CDH4: variants seen among roughly 807,000 people sequenced by gnomAD.
The protein encoded by CDH4 is cadherin-4.
CDH4 carries 33 observed loss-of-function variants against 86.0 expected under a neutral mutation model. That is an observed-to-expected ratio of 0.38 (90% CI 0.29 to 0.51). The LOEUF is 0.51. CDH4 is among the 20% of genes least tolerant of loss of function. The pLI is 0.86. For synonymous variants in CDH4, 555 were observed against 549.4 expected, an observed-to-expected ratio of 1.01 and a Z score of -0.14; for missense variants, 1,114 against 1,307.4, an observed-to-expected ratio of 0.85 and a Z score of 2.28.
intron 2 of CDH4, among the ~76,000 whole-genome samples, chr20:61,279,494 TG>T (rs144701579): frequency 4.2e-5 from 6 of 144,480 alleles, no homozygotes; most frequent in Non-Finnish European, 7.6e-5. Context: ...CTCCTAGGGG[TG>T]GGGGCGGGGC....
chr20:61,445,710 C>A (rs1478582508), intron 2 of CDH4, among the ~76,000 whole-genome samples: 1 of 152,140 alleles, frequency 6.6e-6, no homozygotes, highest in Non-Finnish European at 1.5e-5. Context: ...ACAGTGCTCT[C>A]GATTTTTAAA....
At position 61,404,158 on chromosome 20, in the gene CDH4, G is replaced by T. The variant is rs1271094609; in HGVS notation, c.169+149221G>T. Among the ~76,000 whole-genome samples the T allele has an allele frequency of 3.3e-5, 5 of 152,154 alleles. No individual in the cohort carries two copies. The East Asian group carries it at 7.8e-4, about 24-fold the overall frequency. ...CAGCTGAGCTGCTACAGCCAGGCGGGTACAGGGGTCCTGGGCCAGGACTCC... is the reference window on the plus strand; with the variant it reads ...CAGCTGAGCTGCTACAGCCAGGCGGTTACAGGGGTCCTGGGCCAGGACTCC... On this transcript the variant is annotated intron_variant, in intron 2 of 15. Transcript: ENST00000614565.
intron 2 of CDH4, among the ~76,000 whole-genome samples, chr20:61,720,008 G>A (rs2145911012): frequency 6.6e-6 from 1 of 152,288 alleles, no homozygotes; most frequent in South Asian, 2.1e-4. Flanking sequence ...GGGTGAGCGG[G>A]CGTCTTCCTT....
At chr20:61,390,521 CGT>C in intron 2 of CDH4, among the ~76,000 whole-genome samples, 1 of 147,308 alleles carries the variant, frequency 6.8e-6, no homozygotes, top group Non-Finnish European at 1.5e-5. Context: ...CAATTGAGAT[CGT>C]ACGGTCATAG....
intron 2 of CDH4, among the ~76,000 whole-genome samples, chr20:61,350,715 C>A (rs146184894): frequency 8.2e-5 from 1 of 12,172 alleles, no homozygotes; most frequent in Non-Finnish European, 1.5e-4. Context: ...AGGCAGAGGC[C>A]CCCCCCCAGT....
intron 2 of CDH4, among the ~76,000 whole-genome samples, chr20:61,494,664 A>G (rs2085647217): frequency 6.6e-6 from 1 of 152,266 alleles, no homozygotes; most frequent in African/African-American, 2.4e-5. Flanking sequence ...AATAGATTTT[A>G]TTACATAGCA....
chr20:61,727,064 C>A (rs1372557736), intron 2 of CDH4, among the ~76,000 whole-genome samples: 2 of 151,494 alleles, frequency 1.3e-5, no homozygotes, highest in Non-Finnish European at 2.9e-5. Flanking sequence ...ACCATCACTG[C>A]CATCTTCACC....
intron 9 of CDH4, among the ~76,000 whole-genome samples, chr20:61,921,606 G>T (rs1300982200): frequency 6.6e-6 from 1 of 152,190 alleles, no homozygotes; most frequent in African/African-American, 2.4e-5. Context: ...ATAAAAATTA[G>T]CCAGGCATGG....
intron 2 of CDH4, among the ~76,000 whole-genome samples, chr20:61,336,324 T>C (rs2084616774): frequency 6.6e-6 from 1 of 152,212 alleles, no homozygotes; most frequent in African/African-American, 2.4e-5. Context: ...GACTAACACA[T>C]AGAAGTGCCT....
At chr20:61,371,330 G>A (rs549268988) in intron 2 of CDH4, among the ~76,000 whole-genome samples, 1 of 152,324 alleles carries the variant, frequency 6.6e-6, no homozygotes, top group African/African-American at 2.4e-5. Flanking sequence ...TTCGGGCTCT[G>A]AGGCCGGGGT....
At chr20:61,375,153 G>T (rs1489659411) in intron 2 of CDH4, among the ~76,000 whole-genome samples, 3 of 152,146 alleles carry the variant, frequency 2.0e-5, no homozygotes, top group Non-Finnish European at 4.4e-5. Context: ...TCTCCTGAGG[G>T]CTGTGTCACA....
intron 1 of CDH4, among the ~76,000 whole-genome samples, chr20:61,254,159 G>T (rs1178185479): frequency 6.6e-6 from 1 of 152,198 alleles, no homozygotes; most frequent in Non-Finnish European, 1.5e-5. Context: ...TAGGGGAGCC[G>T]TCTCCCTGCC....
intron 2 of CDH4, among the ~76,000 whole-genome samples, chr20:61,258,753 G>A (rs1436509496): frequency 6.6e-6 from 1 of 152,226 alleles, no homozygotes; most frequent in Non-Finnish European, 1.5e-5. Flanking sequence ...GCCATCTTTA[G>A]TGTGTCATTT....
At chr20:61,606,549 G>A (rs2086647095) in intron 2 of CDH4, among the ~76,000 whole-genome samples, 1 of 152,348 alleles carries the variant, frequency 6.6e-6, no homozygotes, top group East Asian at 1.9e-4. Context: ...CCCTCTCCCA[G>A]TTCCTCTGCA....
chr20:61,894,669 A>G (rs1985014189), intron 7 of CDH4, among the ~76,000 whole-genome samples: 1 of 152,092 alleles, frequency 6.6e-6, no homozygotes, highest in South Asian at 2.1e-4. Flanking sequence ...TGAGATGAAA[A>G]CACAGGCAAA....
At chr20:61,492,868 C>T (rs1001378042) in intron 2 of CDH4, among the ~76,000 whole-genome samples, 2 of 152,128 alleles carry the variant, frequency 1.3e-5, no homozygotes, top group Admixed American at 6.5e-5. Flanking sequence ...TTTGGGGAGT[C>T]CACAGTTAAG....
chr20:61,823,748 G>A (rs6061845), intron 4 of CDH4, among the ~76,000 whole-genome samples: 94,929 of 152,026 alleles, frequency 0.62, 30,011 homozygotes, highest in Non-Finnish European at 0.65. Flanking sequence ...GTCCACTGAA[G>A]TCTTTGGTAG....
chr20:61,747,284 C>T (rs141007745), intron 3 of CDH4, among the ~76,000 whole-genome samples: 1 of 152,102 alleles, frequency 6.6e-6, no homozygotes, highest in Admixed American at 6.5e-5. Flanking sequence ...ACTAAAAATA[C>T]AAACAAAAAT....
intron 2 of CDH4, among the ~76,000 whole-genome samples, chr20:61,548,463 G>C (rs2086104620): frequency 6.6e-6 from 1 of 152,198 alleles, no homozygotes; most frequent in African/African-American, 2.4e-5. Context: ...CAGATGTTGA[G>C]ATCAGTTCCC....
Sources: gnomAD v4.1 joint callset for allele counts (sites outside exome capture counted in the v4.1 genomes callset) on GRCh38, gnomAD v4.1.1 for gene constraint, MANE v1.5 for transcripts, NCBI Gene and HGNC (gene_info 2026-07-23, HGNC 2026-07-21) for gene names.